The following ARHGEF33 variants were observed in gnomAD, a reference collection of about 807,000 sequenced individuals.
ARHGEF33 encodes DH and coiled-coil domain-containing protein ENSP00000381780.
Under a neutral mutation model 101.9 loss-of-function variants are expected in ARHGEF33, and 72 were observed. The ratio of observed to expected loss-of-function variants is 0.71; its 90% confidence interval spans 0.58 to 0.86. The LOEUF is 0.86. Ranked by LOEUF, ARHGEF33 falls within the 40% of genes least tolerant of loss-of-function variation. ARHGEF33 has a pLI of 0.00. For synonymous variants in ARHGEF33, 499 were observed against 442.5 expected (o/e 1.13, Z -1.60); for missense variants, 1,169 against 1,111.3 (o/e 1.05, Z -0.74).
At position 38,970,047 on chromosome 2, in the gene ARHGEF33, T is replaced by C. The variant is rs1558448077; in HGVS notation, c.2484-3667T>C. Among the ~76,000 whole-genome samples the C allele has an allele frequency of 2.0e-5, 3 of 152,362 alleles. No individual in the cohort carries two copies. In the South Asian group the frequency reaches 6.2e-4, roughly 32 times the overall value. ...CGTGAGATAACTTAGGAGTAGGGAA[T>C]GTAGATGGTACTCTCTCTTTTTATC... On this transcript the variant is annotated intron_variant, in intron 17 of 17. Transcript: ENST00000409978.
At chr2:38,930,291 A>T (rs909989676) in intron 6 of ARHGEF33, among the ~76,000 whole-genome samples, 8 of 152,094 alleles carry the variant, frequency 5.3e-5, no homozygotes, top group African/African-American at 1.9e-4. Context: ...AAGTTTCACC[A>T]TTAAACATAT....
chr2:38,892,877 G>A (rs1481047724), intron 1 of ARHGEF33, among the ~76,000 whole-genome samples: 2 of 152,044 alleles, frequency 1.3e-5, no homozygotes, highest in African/African-American at 2.4e-5. Flanking sequence ...TTTTACTTGA[G>A]TTATTAAAGG....
At chr2:38,922,272 G>A (rs1161894547) in intron 4 of ARHGEF33, among the ~76,000 whole-genome samples, 6 of 152,156 alleles carry the variant, frequency 3.9e-5, no homozygotes, top group Admixed American at 3.3e-4. Context: ...AGAGCTTGGT[G>A]GGGGTTGGGA....
intron 2 of ARHGEF33, among the ~76,000 whole-genome samples, chr2:38,896,129 T>G (rs994745032): frequency 1.3e-5 from 2 of 152,152 alleles, no homozygotes; most frequent in African/African-American, 4.8e-5. Flanking sequence ...AACTATGCTT[T>G]TTTGTTTGTT....
At chr2:38,896,464 T>C (rs1022466704) in intron 2 of ARHGEF33, among the ~76,000 whole-genome samples, 1 of 152,200 alleles carries the variant, frequency 6.6e-6, no homozygotes, top group African/African-American at 2.4e-5. Flanking sequence ...AAGTTCTATT[T>C]TGGATGTCTT....
At chr2:38,944,849 T>C (rs937430109) in intron 10 of ARHGEF33, among the ~76,000 whole-genome samples, 1 of 149,018 alleles carries the variant, frequency 6.7e-6, no homozygotes, top group Non-Finnish European at 1.5e-5. Context: ...TTCATGTGGG[T>C]GATCTTATGG....
intron 2 of ARHGEF33, among the ~76,000 whole-genome samples, chr2:38,918,877 C>CA (rs1181241601): frequency 0.22 from 11,376 of 51,130 alleles, 1,468 homozygotes; most frequent in African/African-American, 0.44. Context: ...CCCATCTCTA[C>CA]AAAAAAAAAA....
intron 3 of ARHGEF33, 127 bp from the exon 4 acceptor site, chr2:38,921,247 T>G (rs749027845): frequency 1.5e-6 from 1 of 648,786 alleles, no homozygotes; most frequent in Non-Finnish European, 2.8e-6. Flanking sequence ...TCCCCTGGAA[T>G]CATTGGTTTC....
In ARHGEF33 at chr2:38,960,257, G is replaced by T; in HGVS notation, c.1952G>T (p.Ser651Ile). 1 of 1,548,102 alleles carries T rather than the reference G, an allele frequency of 6.5e-7. No homozygotes were observed. ...ENCSPASSES[S>I]LDICFLRPVS... ...TGCTCGCCTGCCTCCTCCGAGTCCA[G>T]CCTGGACATCTGCTTCCTGCGGCCC... The change falls in exon 16 of 18, where the codon AGC becomes ATC. Residue 651 changes from serine (S) to isoleucine (I), a missense_variant. Coordinates refer to ENST00000409978, the MANE Select transcript of ARHGEF33 (RefSeq NM_001145451.5).
chr2:38,959,982 C>T lies in ARHGEF33; in HGVS notation c.1677C>T (p.Cys559=). 1 of 1,550,898 alleles carries T rather than the reference C, an allele frequency of 6.4e-7. No homozygotes were observed. The highest frequency in any genetic ancestry group is 8.7e-7 in the Non-Finnish European group (1 of 1,146,728). The part of the protein sequence containing the change: ...PESLLAPTQF[C]AAEQDVKALA... ...GCCTTCTGGCACCGACGCAGTTCTGCGCGGCCGAGCAGGACGTGAAGGCGC... is the reference window on the plus strand; with the variant it reads ...GCCTTCTGGCACCGACGCAGTTCTGTGCGGCCGAGCAGGACGTGAAGGCGC... Residue 559 remains cysteine (C), a synonymous_variant, in exon 16 of 18, where the codon TGC becomes TGT. Coordinates refer to ENST00000409978, the MANE Select transcript of ARHGEF33 (RefSeq NM_001145451.5).
intron 2 of ARHGEF33, among the ~76,000 whole-genome samples, chr2:38,911,498 A>G (rs149756323): frequency 1.2e-3 from 178 of 152,302 alleles, no homozygotes; most frequent in Admixed American, 2.8e-3. Flanking sequence ...TTATGTGTGT[A>G]TATGGGGAGG....
intron 2 of ARHGEF33, among the ~76,000 whole-genome samples, chr2:38,915,415 C>T (rs1454398374): frequency 6.1e-5 from 7 of 113,980 alleles, no homozygotes; most frequent in Admixed American, 4.0e-4. Flanking sequence ...GACAGAATTT[C>T]GCCCTGTCCC....
rs182943679 is a variant in ARHGEF33, at chr2:38,973,920, A to C, written c.*77A>C. On this transcript the variant is annotated 3_prime_UTR_variant, in exon 18 of 18. Coordinates refer to ENST00000409978, the MANE Select transcript of ARHGEF33 (RefSeq NM_001145451.5). ...TATATATCTGTGTAGGAATATATAT[A>C]TATATCTATATCTATATATATATAT... The C allele has an allele frequency of 2.4e-3, 2,339 of 967,300 alleles. 7 individuals are homozygous for C. The highest frequency in any genetic ancestry group is 2.8e-3 in the Non-Finnish European group (2,103 of 748,808). 59.9% of individuals were successfully genotyped at this position (967,300 alleles called of 1,614,324 possible). A position where few individuals can be genotyped will look rare whatever the true frequency, so the allele number is the denominator to read the frequency against.
chr2:38,974,438 G>A lies in ARHGEF33; in HGVS notation c.*595G>A, dbSNP rs1291213607. ...TTTGTGCTTAAACCATGATTCAGAA[G>A]GTTCAAAGCTTAAAAACACATTGAT... On this transcript the variant is annotated 3_prime_UTR_variant, in exon 18 of 18. Transcript: ENST00000409978. The A allele has an allele frequency of 6.6e-6, 1 of 152,184 alleles. No individual in the cohort carries two copies. The highest frequency in any genetic ancestry group is 2.4e-5 in the African/African-American group (1 of 41,454). 9.4% of individuals were successfully genotyped at this position (152,184 alleles called of 1,614,324 possible). A position where few individuals can be genotyped will look rare whatever the true frequency, so the allele number is the denominator to read the frequency against.
intron 10 of ARHGEF33, among the ~76,000 whole-genome samples, chr2:38,950,387 C>A (rs77179358): frequency 1.3e-5 from 2 of 152,130 alleles, no homozygotes; most frequent in Admixed American, 1.3e-4. Context: ...ATTTCCACTG[C>A]GTGTCATTTA....
At position 38,935,805 on chromosome 2, in the gene ARHGEF33, A is replaced by G; in HGVS notation, c.536A>G (p.Asp179Gly). 1 of 1,552,060 alleles carries G rather than the reference A, an allele frequency of 6.4e-7. No individual in the cohort carries two copies. The change falls in exon 8 of 18, where the codon GAC becomes GGC. Residue 179 changes from aspartate (D) to glycine (G), a missense_variant. By Grantham distance (94) the Asp-to-Gly change is moderately conservative. Transcript: ENST00000409978. ...AQESRSVHVG[D>G]SNVKGMMGPG... ...GAGTCCAGATCTGTTCATGTAGGAG[A>G]CAGTAATGTAAAAGGAATGATGGGT...
At position 38,955,403 on chromosome 2, in the gene ARHGEF33, C is replaced by T. The variant is rs188232147; in HGVS notation, c.1221+947C>T. Among the ~76,000 whole-genome samples the T allele has an allele frequency of 2.5e-4, 38 of 150,384 alleles. 1 individual carries two copies. Among genetic ancestry groups the T allele is most frequent in the Admixed American group, 1.9e-3 (29 of 15,022 alleles). On this transcript the variant is annotated intron_variant, in intron 13 of 17. Transcript: ENST00000409978. Reference sequence around the variant, plus strand: ...ATCTTCTTAAGTAATTCAATGAAAGCGTCTTAGAAATGCTTGGGATTAATT... The same window carrying T: ...ATCTTCTTAAGTAATTCAATGAAAGTGTCTTAGAAATGCTTGGGATTAATT...
At chr2:38,941,673 G>A (rs535441223) in intron 9 of ARHGEF33, among the ~76,000 whole-genome samples, 1 of 151,324 alleles carries the variant, frequency 6.6e-6, no homozygotes, top group Non-Finnish European at 1.5e-5. Flanking sequence ...TCAGCCTCCC[G>A]AGTAGCTGGG....
chr2:38,897,070 C>T (rs545220560), intron 2 of ARHGEF33, among the ~76,000 whole-genome samples: 7 of 152,094 alleles, frequency 4.6e-5, no homozygotes, highest in Admixed American at 1.3e-4. Context: ...TGCACACCAC[C>T]GCACCCAGCT....
Sources: allele counts gnomAD v4.1 joint callset (sites outside exome capture counted in the v4.1 genomes callset), GRCh38; gene constraint gnomAD v4.1.1; transcripts MANE v1.5; gene names NCBI Gene and HGNC (gene_info 2026-07-23, HGNC 2026-07-21).